Variants in UNC79 observed in about 807,000 individuals in gnomAD.
UNC79 encodes protein unc-79 homolog.
In UNC79, 37 loss-of-function variants were observed where a neutral mutation model predicts 283.1. That is an observed-to-expected ratio of 0.13 (90% CI 0.10 to 0.17). The LOEUF (loss-of-function observed/expected upper bound fraction) is 0.17. Ranked by LOEUF, UNC79 falls within the 10% of genes least tolerant of loss-of-function variation. The pLI is 1.00. For synonymous variants in UNC79, 1,107 were observed against 1,200.2 expected, an observed-to-expected ratio of 0.92 and a Z score of 1.61; for missense variants, 2,272 against 3,211.1, an observed-to-expected ratio of 0.71 and a Z score of 7.07.
chr14:93,658,631 C>T (rs1005212638), intron 38 of UNC79, among the ~76,000 whole-genome samples: 2 of 152,094 alleles, frequency 1.3e-5, no homozygotes, highest in Non-Finnish European at 2.9e-5. Context: ...ATGATTTTGT[C>T]TTGTAGAAAT....
intron 38 of UNC79, among the ~76,000 whole-genome samples, chr14:93,656,567 T>C (rs901523400): frequency 3.9e-5 from 6 of 152,172 alleles, no homozygotes; most frequent in African/African-American, 1.4e-4. Context: ...GGTGTGCTCA[T>C]TGTTTGAGCC....
intron 32 of UNC79, among the ~76,000 whole-genome samples, chr14:93,640,088 T>A (rs1050926888): frequency 5.3e-5 from 8 of 152,160 alleles, no homozygotes; most frequent in Non-Finnish European, 1.2e-4. Context: ...AGATTCTTCT[T>A]GGGGTGCTTC....
intron 1 of UNC79, among the ~76,000 whole-genome samples, chr14:93,432,337 C>G (rs2055913317): frequency 1.3e-5 from 2 of 152,182 alleles, no homozygotes; most frequent in Non-Finnish European, 2.9e-5. Context: ...TCCGGAAGAT[C>G]TGAGTTTCAA....
At chr14:93,626,897 T>G (rs1303206520) in intron 30 of UNC79, among the ~76,000 whole-genome samples, 1 of 152,168 alleles carries the variant, frequency 6.6e-6, no homozygotes, top group African/African-American at 2.4e-5. Flanking sequence ...TAAAAGCTGT[T>G]CATAAGCTGG....
intron 1 of UNC79, among the ~76,000 whole-genome samples, chr14:93,366,583 T>A (rs2054338942): frequency 6.6e-6 from 1 of 151,802 alleles, no homozygotes; most frequent in South Asian, 2.1e-4. Context: ...TTTTTTTTTT[T>A]TTTATTTGAG....
chr14:93,574,816 A>C (rs958687086), intron 16 of UNC79, among the ~76,000 whole-genome samples: 4 of 151,340 alleles, frequency 2.6e-5, no homozygotes, highest in African/African-American at 9.7e-5. Context: ...GAAACTGAGA[A>C]GTGTTAATAG....
chr14:93,553,287 A>C (rs1379277073), intron 14 of UNC79, among the ~76,000 whole-genome samples: 1 of 152,220 alleles, frequency 6.6e-6, no homozygotes, highest in Admixed American at 6.5e-5. Context: ...CAAAACAAAA[A>C]GGGTCAGCAG....
chr14:93,635,790 G>A (rs1256083195), intron 31 of UNC79, among the ~76,000 whole-genome samples: 1 of 152,202 alleles, frequency 6.6e-6, no homozygotes, highest in Non-Finnish European at 1.5e-5. Context: ...GTAGTGAGCA[G>A]TGAATAGCCA....
In UNC79 at chr14:93,653,955, G is replaced by A. The variant is rs1243445694; in HGVS notation, c.6212G>A (p.Arg2071Gln). Residue 2071 changes from arginine to glutamine, a missense_variant, in exon 37 of 49, where the codon CGG (arginine) becomes CAG (glutamine). By Grantham distance (43) the Arg-to-Gln change is conservative (BLOSUM62 1). Transcript: ENST00000555664. ...GACTTTCCAGATGGGACTTTTTTAC[G>A]GACCTTAGCCTCGTCTCTGATGGAC... 6.2e-7 allele frequency: 1 copy of A among 1,613,894 alleles called. No individual in the cohort carries two copies. Among genetic ancestry groups the A allele is most frequent in the Non-Finnish European group, 8.5e-7 (1 of 1,179,992 alleles).
At chr14:93,660,454 A>G (rs1009097459) in intron 39 of UNC79, among the ~76,000 whole-genome samples, 7 of 147,780 alleles carry the variant, frequency 4.7e-5, no homozygotes, top group African/African-American at 1.8e-4. Context: ...ACCAATAAGG[A>G]TACATTATGT....
intron 14 of UNC79, among the ~76,000 whole-genome samples, chr14:93,558,325 G>C (rs902724507): frequency 2.6e-5 from 4 of 152,204 alleles, no homozygotes; most frequent in African/African-American, 4.8e-5. Context: ...GGGAGGCTGA[G>C]GCGGGCAGAT....
At chr14:93,414,002 C>T (rs1379263687) in intron 1 of UNC79, among the ~76,000 whole-genome samples, 1 of 151,890 alleles carries the variant, frequency 6.6e-6, no homozygotes, top group Non-Finnish European at 1.5e-5. Context: ...ATGGTAGTTT[C>T]TTTTGCTGTG....
At chr14:93,483,577 G>C (rs1462561381) in intron 4 of UNC79, among the ~76,000 whole-genome samples, 1 of 150,280 alleles carries the variant, frequency 6.7e-6, no homozygotes, top group African/African-American at 2.5e-5. Flanking sequence ...CAATATGCAG[G>C]TTTGTTACAT....
chr14:93,602,243 A>T (rs570722561), intron 25 of UNC79, among the ~76,000 whole-genome samples: 1 of 152,264 alleles, frequency 6.6e-6, no homozygotes, highest in South Asian at 2.1e-4. Context: ...CAGATCTTAG[A>T]TTTAGCCTTT....
At chr14:93,542,004 CAAAAAA>C (rs745650977) in intron 13 of UNC79, among the ~76,000 whole-genome samples, 10 of 59,892 alleles carry the variant, frequency 1.7e-4, no homozygotes, top group African/African-American at 5.6e-4. Flanking sequence ...GACTCCATCT[CAAAAAA>C]AAAAAAAAAA....
rs1170450479 is a variant in UNC79, at chr14:93,617,093, A to G, written c.4042-29A>G. 8.3e-6 allele frequency: 13 copies of G among 1,575,512 alleles called. No individual in the cohort carries two copies. The highest frequency in any genetic ancestry group is 1.4e-5 in the African/African-American group (1 of 73,900). On this transcript the variant is annotated intron_variant, in intron 27 of 48. Coordinates refer to ENST00000555664, the Ensembl canonical transcript of UNC79. This position sits in a 1 kb window ranked among gnomAD's most constrained non-coding sequence, Gnocchi z 4.5. ...CTCTGAGTGTTCTTTGTAGTTTTCC[A>G]TCAGTTATTAATATTTTTTCTATTT...
intron 1 of UNC79, among the ~76,000 whole-genome samples, chr14:93,340,641 G>A (rs2053688521): frequency 6.7e-6 from 1 of 150,042 alleles, no homozygotes; most frequent in Non-Finnish European, 1.5e-5. Flanking sequence ...CATGATTATA[G>A]CTCACTGCAG....
chr14:93,625,829 C>A (rs2067531258), intron 30 of UNC79, among the ~76,000 whole-genome samples: 1 of 152,184 alleles, frequency 6.6e-6, no homozygotes, highest in South Asian at 2.1e-4. Flanking sequence ...TCTACCAGTA[C>A]CTGCACCTAT....
At chr14:93,516,035 T>C (rs2060037837) in intron 7 of UNC79, among the ~76,000 whole-genome samples, 2 of 152,072 alleles carry the variant, frequency 1.3e-5, no homozygotes, top group Admixed American at 1.3e-4. Context: ...GAGGTAAGGG[T>C]TGGATTTGTT....
Sources: allele counts gnomAD v4.1 joint callset (sites outside exome capture counted in the v4.1 genomes callset), GRCh38; gene constraint gnomAD v4.1.1; non-coding constraint Gnocchi (gnomAD v3.1); transcripts MANE v1.5; gene names NCBI Gene and HGNC (gene_info 2026-07-23, HGNC 2026-07-21).